The following FHOD3 variants were observed in gnomAD, a reference collection of about 807,000 sequenced individuals.
The protein encoded by FHOD3 is FH1/FH2 domain-containing protein 3.
FHOD3 carries 90 observed loss-of-function variants against 173.0 expected under a neutral mutation model. The ratio of observed to expected loss-of-function variants is 0.52; its 90% CI spans 0.44 to 0.62. The LOEUF (loss-of-function observed/expected upper bound fraction) is 0.62. Among genes scored for constraint, FHOD3 ranks in the 20% least tolerant of loss-of-function variants. The pLI, the probability that FHOD3 is intolerant of heterozygous loss-of-function variation, is 0.00. For synonymous variants in FHOD3, 828 were observed against 823.0 expected, an observed-to-expected ratio of 1.01 and a Z score of -0.10; for missense variants, 1,945 against 2,034.7, an observed-to-expected ratio of 0.96 and a Z score of 0.85.
chr18:36,744,620 C>T (rs749279968), intron 23 of FHOD3, among the ~76,000 whole-genome samples: 1 of 152,252 alleles, frequency 6.6e-6, no homozygotes, highest in Non-Finnish European at 1.5e-5. Context: ...AGGGCCCTCC[C>T]GGCTCCTGCT....
chr18:36,417,110 G>C (rs2049696825), intron 3 of FHOD3, among the ~76,000 whole-genome samples: 1 of 152,120 alleles, frequency 6.6e-6, no homozygotes, highest in Admixed American at 6.5e-5. Flanking sequence ...GTGCAGGTTT[G>C]TTATATAGGT....
At chr18:36,557,250 C>T (rs2057924245) in intron 5 of FHOD3, among the ~76,000 whole-genome samples, 1 of 151,980 alleles carries the variant, frequency 6.6e-6, no homozygotes, top group African/African-American at 2.4e-5. Context: ...TTTTGTATCA[C>T]CTCCTTCATC....
At chr18:36,577,352 GAGTAC>G (rs2148015208) in intron 6 of FHOD3, among the ~76,000 whole-genome samples, 1 of 152,122 alleles carries the variant, frequency 6.6e-6, no homozygotes, top group African/African-American at 2.4e-5. Context: ...TGCCAGGCTG[GAGTAC>G]AGTAGCATGA....
intron 5 of FHOD3, among the ~76,000 whole-genome samples, chr18:36,566,642 TG>T (rs1237578515): frequency 2.0e-5 from 3 of 152,262 alleles, no homozygotes; most frequent in African/African-American, 2.4e-5. Flanking sequence ...ATTATGGATT[TG>T]AAAAGGAGTG....
Position 36,733,557 on chromosome 18 carries a change from C to G in FHOD3, c.3576+2753C>G, listed in dbSNP as rs181914891. Among the ~76,000 whole-genome samples, 127 of 152,314 alleles carry G rather than the reference C, an allele frequency of 8.3e-4. 1 individual carries two copies. Among genetic ancestry groups the G allele is most frequent in the African/African-American group, 2.9e-3 (122 of 41,566 alleles). ...CCTTTGGTTTTGCCTTTGTTCTTTC[C>G]TGAAATGCAACTCTCCCCAGGTGGG... On this transcript the variant is annotated intron_variant, in intron 20 of 28. Transcript: ENST00000590592.
At chr18:36,432,314 A>C (rs1199497541) in intron 3 of FHOD3, among the ~76,000 whole-genome samples, 1 of 152,228 alleles carries the variant, frequency 6.6e-6, no homozygotes, top group Non-Finnish European at 1.5e-5. Flanking sequence ...ATTTAAAAAA[A>C]AATTTAAATA....
At position 36,355,525 on chromosome 18, in the gene FHOD3, T is replaced by C. The variant is rs770535249; in HGVS notation, c.166-14T>C. 4 of 1,613,274 alleles carry C rather than the reference T, an allele frequency of 2.5e-6. No individual in the cohort carries two copies. The East Asian group carries it at 6.7e-5, about 27-fold the overall frequency. On this transcript the variant is annotated splice_polypyrimidine_tract_variant and intron_variant, in intron 1 of 28. Coordinates refer to ENST00000590592, the MANE Select transcript of FHOD3 (RefSeq NM_001281740.3). ...GAGGAGCAGGTTGGGTATAACAGGC[T>C]CTTTCTCTTGCAGCTGGATGACTGT...
chr18:36,669,751 G>A (rs1341991184), intron 14 of FHOD3, among the ~76,000 whole-genome samples: 1 of 151,574 alleles, frequency 6.6e-6, no homozygotes, highest in African/African-American at 2.4e-5. Context: ...ACAATACATT[G>A]TTATTATGTC....
intron 28 of FHOD3, chr18:36,777,764 C>T (rs537123631): frequency 2.0e-4 from 31 of 152,264 alleles, no homozygotes; most frequent in African/African-American, 6.5e-4. Context: ...TTGAGCCAAA[C>T]ATTCAGTCTG....
intron 23 of FHOD3, among the ~76,000 whole-genome samples, chr18:36,745,265 C>G (rs2469864): frequency 6.6e-6 from 1 of 152,202 alleles, no homozygotes; most frequent in African/African-American, 2.4e-5. Context: ...GAATTTTTTT[C>G]TAAGCCTCAT....
Position 36,553,598 on chromosome 18 carries a change from A to G in FHOD3, c.512-22853A>G, listed in dbSNP as rs181518039. The stretch of plus-strand genomic sequence containing the variant: ...CCATTTGTTCTAGACTTTCTAGTTT[A>G]TTTGCGTAGAGGTGTTTATAGTATT... On this transcript the variant is annotated intron_variant, in intron 5 of 28. Transcript: ENST00000590592. Among the ~76,000 whole-genome samples, 96 of 152,208 alleles carry G rather than the reference A, an allele frequency of 6.3e-4. 1 individual carries two copies. The highest frequency in any genetic ancestry group is 3.5e-3 in the Admixed American group (53 of 15,288).
chr18:36,639,814 GTTTT>G (rs35647519), intron 10 of FHOD3, among the ~76,000 whole-genome samples: 2 of 145,908 alleles, frequency 1.4e-5, no homozygotes, highest in African/African-American at 5.0e-5. Flanking sequence ...AGAATAAAGT[GTTTT>G]TTTTTTTTTT....
At chr18:36,544,097 C>T (rs2057327071) in intron 5 of FHOD3, among the ~76,000 whole-genome samples, 1 of 152,202 alleles carries the variant, frequency 6.6e-6, no homozygotes, top group Admixed American at 6.5e-5. Context: ...TCTTGGAGTG[C>T]TCCCTGGAGA....
intron 1 of FHOD3, among the ~76,000 whole-genome samples, chr18:36,350,439 A>T (rs1253064920): frequency 6.6e-6 from 1 of 152,112 alleles, no homozygotes; most frequent in Admixed American, 6.5e-5. Context: ...TAGCCCTGTA[A>T]TGTTATCTTC....
chr18:36,637,997 T>C (rs2035014647), intron 10 of FHOD3, among the ~76,000 whole-genome samples: 1 of 152,188 alleles, frequency 6.6e-6, no homozygotes, highest in Non-Finnish European at 1.5e-5. Flanking sequence ...ATAATATGTT[T>C]TTTTTAAAAT....
chr18:36,302,406 T>G (rs2144418681), intron 1 of FHOD3, among the ~76,000 whole-genome samples: 1 of 152,196 alleles, frequency 6.6e-6, no homozygotes, highest in South Asian at 2.1e-4. Context: ...CCCCCCGACC[T>G]GCTGAATCAG....
chr18:36,407,402 A>G lies in FHOD3; in HGVS notation c.337+34658A>G, dbSNP rs139426205. Among the ~76,000 whole-genome samples the G allele has an allele frequency of 3.4e-3, 522 of 152,316 alleles. 2 individuals carry two copies. Among genetic ancestry groups the G allele is most frequent in the African/African-American group, 0.012 (489 of 41,564 alleles). The stretch of plus-strand genomic sequence containing the variant: ...TGTCTGCCGGTGCTTGTGAGCACTA[A>G]TGATGGTGGTAACAGCCCTGCTGCT... On this transcript the variant is annotated intron_variant, in intron 3 of 28. Coordinates refer to ENST00000590592, the MANE Select transcript of FHOD3 (RefSeq NM_001281740.3).
At chr18:36,588,380 A>G (rs990301904) in intron 6 of FHOD3, among the ~76,000 whole-genome samples, 1 of 152,222 alleles carries the variant, frequency 6.6e-6, no homozygotes, top group Non-Finnish European at 1.5e-5. Flanking sequence ...AGTGCTGATG[A>G]GCTTGTAAAC....
At chr18:36,493,969 A>G (rs774167307) in intron 3 of FHOD3, among the ~76,000 whole-genome samples, 1 of 152,198 alleles carries the variant, frequency 6.6e-6, no homozygotes, top group Non-Finnish European at 1.5e-5. Flanking sequence ...AGCGATTTTT[A>G]TAGACCCCAA....
Sources: allele counts gnomAD v4.1 joint callset (sites outside exome capture counted in the v4.1 genomes callset), GRCh38; gene constraint gnomAD v4.1.1; transcripts MANE v1.5; gene names NCBI Gene and HGNC (gene_info 2026-07-23, HGNC 2026-07-21).